Variants in ACKR3 observed in about 807,000 individuals in gnomAD.
The protein encoded by ACKR3 is C-X-C chemokine receptor type 7.
Under a neutral mutation model 22.4 loss-of-function variants are expected in ACKR3, and 6 were observed. The ratio of observed to expected loss-of-function variants is 0.27; its 90% CI spans 0.15 to 0.53. ACKR3 has a LOEUF of 0.53. Ranked by LOEUF, ACKR3 falls within the 20% of genes least tolerant of loss-of-function variation. The pLI, the probability that ACKR3 is intolerant of heterozygous loss-of-function variation, is 0.96. For synonymous variants in ACKR3, 209 were observed against 205.2 expected (o/e 1.02, Z -0.16); for missense variants, 396 against 475.2 (o/e 0.83, Z 1.55).
Position 236,580,509 on chromosome 2 carries a change from C to T in ACKR3, c.44C>T (p.Ser15Leu), listed in dbSNP as rs142214448. 204 of 1,614,172 alleles carry T rather than the reference C, an allele frequency of 1.3e-4. 2 individuals carry two copies. The South Asian group carries it at 2.0e-3, about 16-fold the overall frequency. The change falls in exon 2 of 2, where the codon TCG becomes TTG. Residue 15 changes from serine to leucine, a missense_variant. By Grantham distance (145) the Ser-to-Leu change is moderately radical (BLOSUM62 -2). Transcript: ENST00000272928. ...GACTACTCAGAGCCAGGGAACTTCT[C>T]GGACATCAGCTGGCCATGCAACAGC... ...LFDYSEPGNF[S>L]DISWPCNSSD... is the part of the protein sequence containing the mutation.
At chr2:236,554,084 CA>C in the ACKR3 span, among the ~76,000 whole-genome samples, 8 of 152,286 alleles carry the variant, frequency 5.3e-5, no homozygotes, top group East Asian at 1.5e-3. Context: ...AGCTCAATCT[CA>C]TGGAGGAAGA....
chr2:236,544,639 C>A, the ACKR3 span, among the ~76,000 whole-genome samples: 1 of 152,118 alleles, frequency 6.6e-6, no homozygotes, highest in African/African-American at 2.4e-5. This position sits in a 1 kb window ranked among gnomAD's most constrained non-coding sequence, Gnocchi z 5.0. Context: ...ATGTTGAAGA[C>A]GAAGGCAGAA....
chr2:236,538,917 T>G, the ACKR3 span, among the ~76,000 whole-genome samples: 1 of 152,332 alleles, frequency 6.6e-6, no homozygotes, highest in South Asian at 2.1e-4. Flanking sequence ...ATACTCTAGC[T>G]CAGGGCAAAG....
At chr2:236,558,596 G>A in the ACKR3 span, among the ~76,000 whole-genome samples, 7 of 152,162 alleles carry the variant, frequency 4.6e-5, no homozygotes, top group Non-Finnish European at 7.3e-5. Context: ...GGGATAAAGC[G>A]GGAGAATATC....
At chr2:236,554,933 T>A in the ACKR3 span, among the ~76,000 whole-genome samples, 1 of 152,182 alleles carries the variant, frequency 6.6e-6, no homozygotes, top group African/African-American at 2.4e-5. Flanking sequence ...TCGATAAGCA[T>A]CAGAGTAGGG....
the ACKR3 span, among the ~76,000 whole-genome samples, chr2:236,554,844 G>A: frequency 1.3e-5 from 2 of 152,244 alleles, no homozygotes; most frequent in Non-Finnish European, 2.9e-5. Flanking sequence ...AACTGGCATA[G>A]TAGAAATAGT....
the ACKR3 span, among the ~76,000 whole-genome samples, chr2:236,550,348 A>G: frequency 5.3e-5 from 8 of 152,238 alleles, no homozygotes; most frequent in African/African-American, 1.9e-4. The surrounding 1 kb of genome is among the most constrained non-coding windows in gnomAD (Gnocchi z 4.6). Context: ...CACATCTGCC[A>G]GGCCAGTGTG....
the ACKR3 span, among the ~76,000 whole-genome samples, chr2:236,561,992 G>A: frequency 2.0e-5 from 3 of 152,128 alleles, no homozygotes; most frequent in Non-Finnish European, 2.9e-5. Context: ...ATTAGCTAGA[G>A]ATTCTAGTAC....
At chr2:236,552,249 G>T in the ACKR3 span, among the ~76,000 whole-genome samples, 1 of 152,206 alleles carries the variant, frequency 6.6e-6, no homozygotes, top group East Asian at 1.9e-4. Context: ...CCCTGGCCAG[G>T]ACTTCTCAAT....
chr2:236,574,091 A>G lies in ACKR3; in HGVS notation c.-27+4167A>G, dbSNP rs549072456. 1.3e-5 allele frequency among the ~76,000 whole-genome samples: 2 copies of G among 150,712 alleles called. No homozygotes were observed. The highest frequency in any genetic ancestry group is 1.5e-5 in the Non-Finnish European group (1 of 67,612). ...GGTGATGGGCCTGCGTGCCTTCCCA[A>G]TTAGCCGGCGGGGTCTCGGGGGTTG... On this transcript the variant is annotated intron_variant, in intron 1 of 1. Transcript: ENST00000272928. The surrounding 1 kb of genome is among the most constrained non-coding windows in gnomAD (Gnocchi z 5.6).
At chr2:236,540,093 A>G in the ACKR3 span, among the ~76,000 whole-genome samples, 2 of 152,232 alleles carry the variant, frequency 1.3e-5, no homozygotes, top group African/African-American at 4.8e-5. Context: ...TTAACTTTAT[A>G]GGAAACTGCA....
the ACKR3 span, among the ~76,000 whole-genome samples, chr2:236,556,226 T>A: frequency 1.3e-5 from 2 of 152,212 alleles, no homozygotes; most frequent in Admixed American, 1.3e-4. Flanking sequence ...GAGTTGGAGC[T>A]TGAGCAAGAA....
rs1007026421 is a variant in ACKR3 at position 236,574,376 on chromosome 2, G to A, written c.-27+4452G>A. On this transcript the variant is annotated intron_variant, in intron 1 of 1. Transcript: ENST00000272928. The surrounding 1 kb of genome is among the most constrained non-coding windows in gnomAD (Gnocchi z 5.6). ...AAAGTTACAGAAGACTTGGTGGGGG[G>A]TGCGGGGCCTGGTAGGAATGAGGTG... is the stretch of plus-strand genomic sequence containing the variant. Among the ~76,000 whole-genome samples the A allele has an allele frequency of 2.6e-5, 4 of 152,150 alleles. No individual in the cohort carries two copies. The highest frequency in any genetic ancestry group is 5.9e-5 in the Non-Finnish European group (4 of 68,026).
the ACKR3 span, among the ~76,000 whole-genome samples, chr2:236,539,832 G>A: frequency 3.9e-5 from 6 of 152,184 alleles, no homozygotes; most frequent in Admixed American, 6.5e-5. Context: ...AATCATGGAG[G>A]AAGGCAAAGG....
At chr2:236,551,874 A>T in the ACKR3 span, among the ~76,000 whole-genome samples, 1 of 151,540 alleles carries the variant, frequency 6.6e-6, no homozygotes, top group Non-Finnish European at 1.5e-5. Flanking sequence ...GGCCCACCCG[A>T]CTCTGAGACA....
rs556157398 is a variant in ACKR3, at chr2:236,581,698, TTCTC to T, written c.*148_*151del. 1.4e-5 allele frequency: 14 copies of T among 1,008,834 alleles called. No individual in the cohort carries two copies. The highest frequency in any genetic ancestry group is 2.0e-5 in the Non-Finnish European group (14 of 701,348). 62.5% of individuals were successfully genotyped at this position (1,008,834 alleles called of 1,614,324 possible). A position where few individuals can be genotyped will look rare whatever the true frequency, so the allele number is the denominator to read the frequency against. On this transcript the variant is annotated 3_prime_UTR_variant, in exon 2 of 2. Transcript: ENST00000272928. The surrounding 1 kb of genome is among the most constrained non-coding windows in gnomAD (Gnocchi z 4.4). ...GGGGAGCACGTGCCCCCTGCATCCA[TTCTC>T]TCTTTCTCTTGATGACGCAGCTGTC...
At chr2:236,542,503 T>C in the ACKR3 span, among the ~76,000 whole-genome samples, 2 of 152,172 alleles carry the variant, frequency 1.3e-5, no homozygotes, top group Non-Finnish European at 2.9e-5. Context: ...CTGGGGACAC[T>C]GTATTAATTT....
Position 236,581,109 on chromosome 2 carries a change from T to C in ACKR3, c.644T>C (p.Val215Ala). The C allele has an allele frequency of 6.2e-7, 1 of 1,614,212 alleles. No homozygotes were observed. Among genetic ancestry groups the C allele is most frequent in the Non-Finnish European group, 8.5e-7 (1 of 1,180,020 alleles). Residue 215 changes from valine to alanine, a missense_variant, in exon 2 of 2, where the codon GTC becomes GCC. Coordinates refer to ENST00000272928, the MANE Select transcript of ACKR3 (RefSeq NM_020311.3). This position sits in a 1 kb window ranked among gnomAD's most constrained non-coding sequence, Gnocchi z 4.4. The part of the protein sequence containing the change: ...IKEWLIGMEL[V>A]SVVLGFAVPF... ...GAGTGGCTGATCGGCATGGAGCTGG[T>C]CTCCGTTGTCTTGGGCTTTGCCGTT...
At chr2:236,552,479 C>T in the ACKR3 span, among the ~76,000 whole-genome samples, 2 of 152,320 alleles carry the variant, frequency 1.3e-5, no homozygotes, top group East Asian at 1.9e-4. Flanking sequence ...TCTTTCCCCC[C>T]TCCTTTTCAT....
Sources: allele counts gnomAD v4.1 joint callset (sites outside exome capture counted in the v4.1 genomes callset), GRCh38; gene constraint gnomAD v4.1.1; non-coding constraint Gnocchi (gnomAD v3.1); transcripts MANE v1.5; gene names NCBI Gene and HGNC (gene_info 2026-07-23, HGNC 2026-07-21).